BMPR2: variants seen among roughly 807,000 people sequenced by gnomAD.
The protein encoded by BMPR2 is bone morphogenetic protein receptor type 2.
A neutral mutation model predicts 100.8 loss-of-function variants in BMPR2; 29 were observed. The observed-to-expected ratio is 0.29, with a 90% CI of 0.21 to 0.39. The LOEUF (loss-of-function observed/expected upper bound fraction) is 0.39, where lower values mean the gene tolerates loss of function less well. Ranked by LOEUF, BMPR2 falls within the 10% of genes least tolerant of loss-of-function variation. BMPR2 has a pLI of 1.00. For missense variants in BMPR2, 1,011 were observed against 1,274.5 expected (o/e 0.79, Z 3.15); for synonymous variants, 382 against 442.3 (o/e 0.86, Z 1.71).
chr2:202,507,408 G>A (rs1445833807), intron 3 of BMPR2, among the ~76,000 whole-genome samples: 5 of 152,048 alleles, frequency 3.3e-5, no homozygotes, highest in South Asian at 2.1e-4. Flanking sequence ...CACATTGGTC[G>A]AGACAGCATC....
At chr2:202,504,643 AT>A (rs1687483026) in intron 3 of BMPR2, among the ~76,000 whole-genome samples, 1 of 136,180 alleles carries the variant, frequency 7.3e-6, no homozygotes, top group Admixed American at 7.2e-5. Context: ...AGAAGATAAT[AT>A]TTTTTTAACA....
At chr2:202,535,114 C>T (rs1417412299) in intron 9 of BMPR2, among the ~76,000 whole-genome samples, 1 of 139,036 alleles carries the variant, frequency 7.2e-6, no homozygotes, top group African/African-American at 2.8e-5. Context: ...CCGGACGGGG[C>T]GGCTGGCCGG....
At chr2:202,485,971 T>C (rs1692769528) in intron 3 of BMPR2, among the ~76,000 whole-genome samples, 1 of 152,050 alleles carries the variant, frequency 6.6e-6, no homozygotes, top group South Asian at 2.1e-4. Flanking sequence ...GGCAGTTCTC[T>C]AAAGAACTGC....
chr2:202,416,863 G>A lies in BMPR2; in HGVS notation c.76+39313G>A, dbSNP rs371418174. 2.7e-5 allele frequency among the ~76,000 whole-genome samples: 4 copies of A among 149,500 alleles called. No individual in the cohort carries two copies. In the South Asian group the frequency reaches 8.5e-4, roughly 32 times the overall value. ...TTTCTTTTTTTTTTTTTGAGACAGAGTCTTGCGCTGTTGGCCAGGCTGGAG... is the reference window on the plus strand; with the variant it reads ...TTTCTTTTTTTTTTTTTGAGACAGAATCTTGCGCTGTTGGCCAGGCTGGAG... On this transcript the variant is annotated intron_variant, in intron 1 of 12. Coordinates refer to ENST00000374580, the MANE Select transcript of BMPR2 (RefSeq NM_001204.7).
intron 1 of BMPR2, among the ~76,000 whole-genome samples, chr2:202,412,619 G>A (rs989333787): frequency 2.0e-5 from 3 of 152,022 alleles, no homozygotes; most frequent in Admixed American, 1.3e-4. Context: ...GTGCCCGGCC[G>A]TTTCTGTTAT....
In BMPR2 at chr2:202,480,690, A is replaced by C. The variant is rs182611780; in HGVS notation, c.418+13001A>C. Among the ~76,000 whole-genome samples the C allele has an allele frequency of 3.2e-3, 486 of 152,096 alleles. 2 individuals carry two copies. The highest frequency in any genetic ancestry group is 0.011 in the African/African-American group (471 of 41,524). ...ATTGACAGGCCGGGCACGGTGGCTC[A>C]TGCCTGTAATCCCAGCACTTTGGGA... On this transcript the variant is annotated intron_variant, in intron 3 of 12. Coordinates refer to ENST00000374580, the MANE Select transcript of BMPR2 (RefSeq NM_001204.7).
At chr2:202,472,974 A>T (rs2105966596) in intron 3 of BMPR2, among the ~76,000 whole-genome samples, 1 of 152,334 alleles carries the variant, frequency 6.6e-6, no homozygotes, top group African/African-American at 2.4e-5. Context: ...AAAAATAACT[A>T]CTGTAATATC....
At position 202,560,343 on chromosome 2, in the gene BMPR2, G is replaced by A. The variant is rs1175394066; in HGVS notation, c.*397G>A. On this transcript the variant is annotated 3_prime_UTR_variant, in exon 13 of 13. Transcript: ENST00000374580. ...GCAAATTAAGACAGGTTTGACTGCAGTGGTGTCTGGTATCCATGTTTTATT... is the reference window on the plus strand; with the variant it reads ...GCAAATTAAGACAGGTTTGACTGCAATGGTGTCTGGTATCCATGTTTTATT... 3 of 219,054 alleles carry A rather than the reference G, an allele frequency of 1.4e-5. No homozygotes were observed. The highest frequency in any genetic ancestry group is 2.8e-5 in the Non-Finnish European group (3 of 108,246). 13.6% of individuals were successfully genotyped at this position (219,054 alleles called of 1,614,324 possible). A position where few individuals can be genotyped will look rare whatever the true frequency, so the allele number is the denominator to read the frequency against.
chr2:202,515,065 C>G, intron 5 of BMPR2, 86 bp downstream of exon 5: 1 of 1,316,184 alleles, frequency 7.6e-7, no homozygotes, highest in Non-Finnish European at 1.1e-6. Context: ...TTAAGACATT[C>G]ATTCATTTAT....
chr2:202,534,878 C>G (rs1467073887), intron 9 of BMPR2, among the ~76,000 whole-genome samples: 5 of 143,124 alleles, frequency 3.5e-5, no homozygotes, highest in African/African-American at 1.1e-4. Flanking sequence ...CCCTCCCGGA[C>G]GGGGCGGCTG....
chr2:202,390,320 C>T (rs1465259082), intron 1 of BMPR2, among the ~76,000 whole-genome samples: 1 of 148,452 alleles, frequency 6.7e-6, no homozygotes, highest in African/African-American at 2.5e-5. Flanking sequence ...TGAGAACCTC[C>T]CTTTTCTTTC....
intron 1 of BMPR2, among the ~76,000 whole-genome samples, chr2:202,426,575 A>G (rs1691390003): frequency 6.6e-6 from 1 of 151,050 alleles, no homozygotes; most frequent in Non-Finnish European, 1.5e-5. Context: ...TCTCAAAAAA[A>G]AAAAAAAAAA....
At chr2:202,423,946 T>C (rs1691325636) in intron 1 of BMPR2, among the ~76,000 whole-genome samples, 1 of 151,764 alleles carries the variant, frequency 6.6e-6, no homozygotes, top group Non-Finnish European at 1.5e-5. Flanking sequence ...TGGTGGCCCG[T>C]GCAGACGTCC....
chr2:202,478,817 T>C (rs1384282591), intron 3 of BMPR2, among the ~76,000 whole-genome samples: 1 of 152,084 alleles, frequency 6.6e-6, no homozygotes, highest in Admixed American at 6.5e-5. Context: ...TCTCAGCTAT[T>C]TGAGAGGCTG....
At position 202,562,816 on chromosome 2, in the gene BMPR2, C is replaced by T. The variant is rs1688697121; in HGVS notation, c.*2870C>T. ...ATGATTTAATTGTAAATTCTTAAAA[C>T]TTTCTAAATGCATAATTGGCAAAAA... On this transcript the variant is annotated 3_prime_UTR_variant, in exon 13 of 13. Coordinates refer to ENST00000374580, the MANE Select transcript of BMPR2 (RefSeq NM_001204.7). 6.6e-6 allele frequency: 1 copy of T among 150,830 alleles called. No individual in the cohort carries two copies. Among genetic ancestry groups the T allele is most frequent in the South Asian group, 2.1e-4 (1 of 4,670 alleles). The allele number at this position is 150,830 out of a possible 1,614,324, so 9.3% of individuals were successfully genotyped here.
intron 1 of BMPR2, among the ~76,000 whole-genome samples, chr2:202,434,941 T>A (rs867240534): frequency 4.6e-4 from 56 of 120,758 alleles, no homozygotes; most frequent in African/African-American, 1.2e-3. Flanking sequence ...ATATATTTAT[T>A]TATTTATTTA....
intron 1 of BMPR2, among the ~76,000 whole-genome samples, chr2:202,431,194 A>G (rs1691496424): frequency 1.3e-5 from 2 of 150,624 alleles, no homozygotes; most frequent in South Asian, 4.1e-4. Context: ...TGGAGCAATA[A>G]TAGATTTTGC....
chr2:202,396,878 A>G (rs1047288828), intron 1 of BMPR2, among the ~76,000 whole-genome samples: 11 of 151,674 alleles, frequency 7.3e-5, no homozygotes, highest in Non-Finnish European at 1.5e-4. Flanking sequence ...GCTCAAGGCA[A>G]CCTCTGCCTC....
At chr2:202,385,573 C>T (rs992609598) in intron 1 of BMPR2, among the ~76,000 whole-genome samples, 2 of 150,262 alleles carry the variant, frequency 1.3e-5, no homozygotes, top group African/African-American at 4.9e-5. Context: ...ACTGTGTTGG[C>T]CAGGCTGGTC....
Sources: allele counts gnomAD v4.1 joint callset (sites outside exome capture counted in the v4.1 genomes callset), GRCh38; gene constraint gnomAD v4.1.1; transcripts MANE v1.5; gene names NCBI Gene and HGNC (gene_info 2026-07-23, HGNC 2026-07-21).